The following AFF3 variants were observed in gnomAD, a reference collection of about 807,000 sequenced individuals.
AFF3 encodes the protein AF4/FMR2 family member 3.
Under a neutral mutation model 129.7 loss-of-function variants are expected in AFF3, and 32 were observed. That is an observed-to-expected ratio of 0.25 (90% confidence interval 0.19 to 0.33). The LOEUF (loss-of-function observed/expected upper bound fraction) is 0.33, where lower values mean the gene tolerates loss of function less well. Among genes scored for constraint, AFF3 ranks in the 10% least tolerant of loss-of-function variants. The probability of loss-of-function intolerance (pLI) is 1.00; values close to 1 mark genes in which losing one functional copy is unlikely to be tolerated. For missense variants in AFF3, 1,373 were observed against 1,592.0 expected, an observed-to-expected ratio of 0.86 and a Z score of 2.34; for synonymous variants, 644 against 635.4, an observed-to-expected ratio of 1.01 and a Z score of -0.20.
chr2:99,751,103 T>G (rs1681612436), intron 9 of AFF3, among the ~76,000 whole-genome samples: 1 of 152,218 alleles, frequency 6.6e-6, no homozygotes, highest in African/African-American at 2.4e-5. Flanking sequence ...TTTTTTGTTT[T>G]GTTTGTTTTT....
intron 7 of AFF3, among the ~76,000 whole-genome samples, chr2:99,908,422 G>C: frequency 6.6e-6 from 1 of 152,124 alleles, no homozygotes; most frequent in East Asian, 1.9e-4. Flanking sequence ...CATGGGCAAG[G>C]ACTCATGTCT....
At chr2:99,815,272 A>G (rs1687132780) in intron 8 of AFF3, among the ~76,000 whole-genome samples, 1 of 152,210 alleles carries the variant, frequency 6.6e-6, no homozygotes, top group South Asian at 2.1e-4. Context: ...AAATTTTACC[A>G]CTGTAACCAT....
At chr2:99,989,798 T>C (rs1680175455) in intron 7 of AFF3, among the ~76,000 whole-genome samples, 1 of 152,252 alleles carries the variant, frequency 6.6e-6, no homozygotes, top group African/African-American at 2.4e-5. Context: ...TCTTTCATTT[T>C]ACTTGTTTCT....
chr2:99,791,419 T>C (rs1293950605), intron 8 of AFF3, among the ~76,000 whole-genome samples: 1 of 152,218 alleles, frequency 6.6e-6, no homozygotes, highest in South Asian at 2.1e-4. Flanking sequence ...CTTGCTTTAT[T>C]GCACTGTTCG....
chr2:99,862,977 T>C (rs1237697733), intron 7 of AFF3, among the ~76,000 whole-genome samples: 1 of 152,248 alleles, frequency 6.6e-6, no homozygotes, highest in Non-Finnish European at 1.5e-5. Flanking sequence ...TTTATTAAAA[T>C]AAATAGGTTT....
chr2:99,900,317 G>T (rs1457444226), intron 7 of AFF3, among the ~76,000 whole-genome samples: 1 of 152,132 alleles, frequency 6.6e-6, no homozygotes, highest in Non-Finnish European at 1.5e-5. Context: ...CAGCTTTCAG[G>T]ATGCAGAGAC....
chr2:100,002,147 C>T (rs1681480021), intron 7 of AFF3, among the ~76,000 whole-genome samples: 1 of 152,192 alleles, frequency 6.6e-6, no homozygotes, highest in Non-Finnish European at 1.5e-5. Flanking sequence ...TAGCAAACTT[C>T]AATTTGAAAA....
intron 7 of AFF3, among the ~76,000 whole-genome samples, chr2:99,891,966 G>A (rs1178925018): frequency 6.6e-6 from 1 of 152,120 alleles, no homozygotes; most frequent in East Asian, 1.9e-4. Context: ...GGGACTACAG[G>A]CACCCGCCAC....
chr2:99,902,979 A>G (rs144063990), intron 7 of AFF3, among the ~76,000 whole-genome samples: 73 of 152,320 alleles, frequency 4.8e-4, no homozygotes, highest in African/African-American at 1.7e-3. Flanking sequence ...CACAAAGAGC[A>G]TTCTATATTG....
chr2:99,707,545 A>C, intron 11 of AFF3: 1 of 981,320 alleles, frequency 1.0e-6, no homozygotes. Context: ...TTGATATTGA[A>C]TTACCAAAGT....
intron 4 of AFF3, among the ~76,000 whole-genome samples, chr2:100,094,732 A>C (rs199854343): frequency 0.22 from 25,255 of 114,128 alleles, 3,431 homozygotes; most frequent in Middle Eastern, 0.33. Context: ...TGGCAAGGAA[A>C]GTCTACCTGC....
intron 5 of AFF3, chr2:100,007,688 C>T (rs1458961181): frequency 2.6e-5 from 14 of 547,458 alleles, no homozygotes; most frequent in East Asian, 2.2e-4. Flanking sequence ...GGGATCTATC[C>T]GGCCGGGCGC....
intron 8 of AFF3, among the ~76,000 whole-genome samples, chr2:99,757,315 C>T (rs1446940257): frequency 6.6e-6 from 1 of 152,180 alleles, no homozygotes; most frequent in Non-Finnish European, 1.5e-5. Flanking sequence ...TAAAGCTAAA[C>T]TTACACGCCA....
At chr2:99,648,881 G>A (rs1393482775) in intron 13 of AFF3, among the ~76,000 whole-genome samples, 36 of 64,934 alleles carry the variant, frequency 5.5e-4, no homozygotes, top group East Asian at 3.2e-3. Context: ...CTCAAAACAC[G>A]CGCGCACACA....
At chr2:99,819,290 A>G (rs1687470739) in intron 8 of AFF3, among the ~76,000 whole-genome samples, 1 of 152,258 alleles carries the variant, frequency 6.6e-6, no homozygotes, top group African/African-American at 2.4e-5. Context: ...GAAGTCTGCT[A>G]TTAATGCTAG....
At chr2:100,137,353 G>C (rs1345597220) in intron 1 of AFF3, among the ~76,000 whole-genome samples, 1 of 152,176 alleles carries the variant, frequency 6.6e-6, no homozygotes, top group Non-Finnish European at 1.5e-5. Flanking sequence ...TAACCCATGA[G>C]TCAGACCATA....
chr2:99,881,131 T>C (rs1022496902), intron 7 of AFF3, among the ~76,000 whole-genome samples: 2 of 152,184 alleles, frequency 1.3e-5, no homozygotes, highest in Non-Finnish European at 1.5e-5. Context: ...CTATACTTCA[T>C]GGAAGTTAAT....
rs745651225 is a variant in AFF3 at position 99,632,008 on chromosome 2, C to CTTTTTTTT, written c.1184+17610_1184+17617dup. On this transcript the variant is annotated intron_variant, in intron 13 of 24. Transcript: ENST00000672756. ...CAATTTATCCACAACCTTGCCAACA[C>CTTTTTTTT]TTTTTTTTTTTTTTTTTTTTTTTTT... is the stretch of plus-strand genomic sequence containing the variant. Among the ~76,000 whole-genome samples the CTTTTTTTT allele has an allele frequency of 6.6e-4, 51 of 76,908 alleles. 8 individuals are homozygous for CTTTTTTTT. Among genetic ancestry groups the CTTTTTTTT allele is most frequent in the African/African-American group, 2.6e-3 (48 of 18,384 alleles). The allele number at this position is 76,908 out of a possible 152,430, so 50.5% of individuals were successfully genotyped here.
intron 2 of AFF3, among the ~76,000 whole-genome samples, chr2:100,123,042 A>G (rs566153244): frequency 2.0e-5 from 3 of 152,368 alleles, no homozygotes; most frequent in Admixed American, 1.3e-4. Flanking sequence ...TCTGTTGTCA[A>G]CAGTTGTTCA....
Sources: gnomAD v4.1 joint callset for allele counts (sites outside exome capture counted in the v4.1 genomes callset) on GRCh38, gnomAD v4.1.1 for gene constraint, MANE v1.5 for transcripts, NCBI Gene and HGNC (gene_info 2026-07-23, HGNC 2026-07-21) for gene names.